Variants in NXPH1 observed in about 807,000 individuals in gnomAD.
NXPH1 encodes neurexophilin-1.
Under a neutral mutation model 23.7 loss-of-function variants are expected in NXPH1, and 5 were observed. The ratio of observed to expected loss-of-function variants is 0.21; its 90% CI spans 0.11 to 0.44. The LOEUF (loss-of-function observed/expected upper bound fraction) is 0.44, where lower values mean the gene tolerates loss of function less well. Ranked by LOEUF, NXPH1 falls within the 20% of genes least tolerant of loss-of-function variation. The probability of loss-of-function intolerance (pLI) is 0.99; values close to 1 mark genes in which losing one functional copy is unlikely to be tolerated. For synonymous variants in NXPH1, 144 were observed against 122.2 expected (o/e 1.18, Z -1.18); for missense variants, 324 against 321.6 (o/e 1.01, Z -0.06).
chr7:8,558,360 G>A (rs1818393222), intron 2 of NXPH1, among the ~76,000 whole-genome samples: 1 of 151,644 alleles, frequency 6.6e-6, no homozygotes, highest in South Asian at 2.1e-4. Context: ...TTTCTCAGGT[G>A]CCACTGGACA....
chr7:8,443,473 G>A (rs1816340990), intron 2 of NXPH1, among the ~76,000 whole-genome samples: 1 of 152,254 alleles, frequency 6.6e-6, no homozygotes, highest in African/African-American at 2.4e-5. Flanking sequence ...AAAACCCTAT[G>A]GGGAGAAGCG....
rs562971013 is a variant in NXPH1 at position 8,711,931 on chromosome 7, C to A, written c.55-39077C>A. ...AAAGGGCCAGGGTCAGGAATTCTGA[C>A]TAGAATGCCATCCAGTTGTGAGGCA... is the stretch of plus-strand genomic sequence containing the variant. On this transcript the variant is annotated intron_variant, in intron 2 of 2. Transcript: ENST00000405863. 3.7e-4 allele frequency among the ~76,000 whole-genome samples: 57 copies of A among 152,344 alleles called. No homozygotes were observed. In the South Asian group the frequency reaches 8.9e-3, roughly 24 times the overall value.
At chr7:8,659,419 C>A (rs905117717) in intron 2 of NXPH1, among the ~76,000 whole-genome samples, 1 of 152,106 alleles carries the variant, frequency 6.6e-6, no homozygotes, top group African/African-American at 2.4e-5. Context: ...GAAGTTTGAT[C>A]ATCTGAAGCT....
At chr7:8,520,626 G>C (rs1817755725) in intron 2 of NXPH1, among the ~76,000 whole-genome samples, 1 of 152,020 alleles carries the variant, frequency 6.6e-6, no homozygotes, top group Non-Finnish European at 1.5e-5. Context: ...AACCTTGCAG[G>C]TATTCTCCCT....
chr7:8,567,929 C>T (rs1818575068), intron 2 of NXPH1, among the ~76,000 whole-genome samples: 1 of 151,870 alleles, frequency 6.6e-6, no homozygotes, highest in Non-Finnish European at 1.5e-5. Flanking sequence ...ACATCGTCTA[C>T]TCCAAATCAA....
intron 2 of NXPH1, among the ~76,000 whole-genome samples, chr7:8,452,036 C>T (rs1003665081): frequency 4.6e-5 from 7 of 152,092 alleles, no homozygotes; most frequent in African/African-American, 1.4e-4. Flanking sequence ...GAAAAGCTGA[C>T]AGAAGAAAAC....
chr7:8,474,258 T>C (rs1419302545), intron 2 of NXPH1, among the ~76,000 whole-genome samples: 1 of 152,198 alleles, frequency 6.6e-6, no homozygotes, highest in Non-Finnish European at 1.5e-5. Context: ...TTTTTTTCTT[T>C]CTCTTCAGTT....
Position 8,551,513 on chromosome 7 carries a change from G to A in NXPH1, c.54+115746G>A, listed in dbSNP as rs143078343. Among the ~76,000 whole-genome samples, 875 of 151,392 alleles carry A rather than the reference G, an allele frequency of 5.8e-3. 6 individuals carry two copies. The highest frequency in any genetic ancestry group is 0.01 in the Admixed American group (158 of 15,168). On this transcript the variant is annotated intron_variant, in intron 2 of 2. Transcript: ENST00000405863. ...AAAATGGTGATGAATTATATATAAC[G>A]CAGAATTATCCTTTACGATTTTGGA...
chr7:8,625,238 C>G (rs1819962658), intron 2 of NXPH1, among the ~76,000 whole-genome samples: 1 of 152,048 alleles, frequency 6.6e-6, no homozygotes, highest in African/African-American at 2.4e-5. Flanking sequence ...TGTAACTTGA[C>G]TGAATAGTAA....
chr7:8,618,224 G>C (rs1429782527), intron 2 of NXPH1, among the ~76,000 whole-genome samples: 1 of 152,040 alleles, frequency 6.6e-6, no homozygotes, highest in African/African-American at 2.4e-5. Flanking sequence ...GGCATTTTGG[G>C]ATCTATTTTA....
At chr7:8,519,430 G>T (rs183769702) in intron 2 of NXPH1, among the ~76,000 whole-genome samples, 1 of 152,072 alleles carries the variant, frequency 6.6e-6, no homozygotes, top group Admixed American at 6.6e-5. Flanking sequence ...TTCCTACAGT[G>T]TTTCCCAACA....
intron 2 of NXPH1, among the ~76,000 whole-genome samples, chr7:8,600,444 T>C (rs1042080340): frequency 1.3e-5 from 2 of 152,178 alleles, no homozygotes; most frequent in African/African-American, 4.8e-5. Context: ...AGGTATCAGA[T>C]TGCATAACTG....
chr7:8,576,266 G>A (rs1476641584), intron 2 of NXPH1, among the ~76,000 whole-genome samples: 1 of 152,102 alleles, frequency 6.6e-6, no homozygotes, highest in Non-Finnish European at 1.5e-5. Context: ...ACTGTGTTGG[G>A]CACTGGGAGC....
chr7:8,455,797 T>C (rs1269819207), intron 2 of NXPH1, among the ~76,000 whole-genome samples: 2 of 152,230 alleles, frequency 1.3e-5, no homozygotes, highest in African/African-American at 4.8e-5. Context: ...GCCACTAGCC[T>C]ATAAAATATT....
intron 2 of NXPH1, among the ~76,000 whole-genome samples, chr7:8,694,637 C>G (rs1821276001): frequency 6.6e-6 from 1 of 151,908 alleles, no homozygotes; most frequent in South Asian, 2.1e-4. Flanking sequence ...TTTATATGTT[C>G]TAGCAGGAAA....
intron 2 of NXPH1, among the ~76,000 whole-genome samples, chr7:8,460,420 T>A (rs182719574): frequency 5.4e-4 from 82 of 152,290 alleles, no homozygotes; most frequent in African/African-American, 1.9e-3. Flanking sequence ...ATTAATTTTT[T>A]AAAATCAAGC....
intron 2 of NXPH1, among the ~76,000 whole-genome samples, chr7:8,622,943 A>G (rs1819906347): frequency 6.6e-6 from 1 of 152,188 alleles, no homozygotes; most frequent in East Asian, 1.9e-4. Flanking sequence ...GGGAAATGTT[A>G]ACATGAAATT....
At chr7:8,657,589 A>G (rs1331542898) in intron 2 of NXPH1, among the ~76,000 whole-genome samples, 1 of 152,242 alleles carries the variant, frequency 6.6e-6, no homozygotes, top group Non-Finnish European at 1.5e-5. Context: ...CTGAAAGGGA[A>G]GGGGACAGCA....
chr7:8,488,069 T>G (rs1271939800), intron 2 of NXPH1, among the ~76,000 whole-genome samples: 1 of 152,132 alleles, frequency 6.6e-6, no homozygotes, highest in Non-Finnish European at 1.5e-5. Flanking sequence ...GGCAAAGTCT[T>G]TACTCATTAT....
Sources: allele counts gnomAD v4.1 joint callset (sites outside exome capture counted in the v4.1 genomes callset), GRCh38; gene constraint gnomAD v4.1.1; transcripts MANE v1.5; gene names NCBI Gene and HGNC (gene_info 2026-07-23, HGNC 2026-07-21).